Variants in BCAT1 observed in about 807,000 individuals in gnomAD.
BCAT1 encodes branched chain amino acid transaminase 1.
Under a neutral mutation model 52.4 loss-of-function variants are expected in BCAT1, and 48 were observed. The ratio of observed to expected loss-of-function variants is 0.92; its 90% CI spans 0.73 to 1.16. The LOEUF (loss-of-function observed/expected upper bound fraction) is 1.16, where lower values mean the gene tolerates loss of function less well. Ranked by LOEUF, BCAT1 falls within the 50% of genes most tolerant of loss-of-function variation. The pLI, the probability that BCAT1 is intolerant of heterozygous loss-of-function variation, is 0.00. For synonymous variants in BCAT1, 167 were observed against 161.3 expected, an observed-to-expected ratio of 1.04 and a Z score of -0.27; for missense variants, 451 against 457.1, an observed-to-expected ratio of 0.99 and a Z score of 0.12.
In BCAT1 at chr12:24,901,868, G is replaced by T; in HGVS notation, c.24C>A (p.Cys8Ter). Residue 8 changes from cysteine (C) to a stop codon, truncating the protein, a stop_gained, in exon 2 of 11, where the codon TGC (cysteine) becomes TGA (stop). Coordinates refer to ENST00000261192, the MANE Select transcript of BCAT1 (RefSeq NM_005504.7). LOFTEE classifies it high-confidence loss of function. MKDCSNGCSAECTGEGGS... is the reference protein window; with the variant it reads MKDCSNG The stretch of plus-strand genomic sequence containing the variant: ...CTCCTTCTCCGGTACACTCTGCGGA[G>T]CATCCGTTACTGCAATCCTTAAAGA... 2 of 1,613,968 alleles carry T rather than the reference G, an allele frequency of 1.2e-6. No homozygotes were observed. Among genetic ancestry groups the T allele is most frequent in the Non-Finnish European group, 1.7e-6 (2 of 1,179,888 alleles).
rs368742874 is a variant in BCAT1, at chr12:24,849,923, G to T, written c.537C>A (p.Thr179=). The change falls in exon 6 of 11, where the codon ACC becomes ACA. Residue 179 remains threonine (T), a synonymous_variant. Coordinates refer to ENST00000261192, the MANE Select transcript of BCAT1 (RefSeq NM_005504.7). ...TEPSLGVKKP[T]KALLFVLLSP... ...TCAAGAGTACAAAGAGCAGGGCTTT[G>T]GTAGGCTTCTTGACTCCAAGAGAAG... is the stretch of plus-strand genomic sequence containing the variant. The T allele has an allele frequency of 9.6e-5, 154 of 1,611,364 alleles. No individual in the cohort carries two copies. In the African/African-American group the frequency reaches 1.9e-3, roughly 20 times the overall value.
chr12:24,822,229 T>A (rs1940169160), intron 10 of BCAT1, among the ~76,000 whole-genome samples: 2 of 152,200 alleles, frequency 1.3e-5, no homozygotes, highest in African/African-American at 4.8e-5. Flanking sequence ...TAGGAGGTAT[T>A]TATAGAGCAA....
chr12:24,917,236 T>A (rs539224878), intron 1 of BCAT1, among the ~76,000 whole-genome samples: 2 of 137,688 alleles, frequency 1.5e-5, no homozygotes, highest in African/African-American at 5.5e-5. Flanking sequence ...TGGAGTGCAG[T>A]GGCGCGATCT....
intron 5 of BCAT1, among the ~76,000 whole-genome samples, chr12:24,867,642 A>G (rs1942064266): frequency 6.6e-6 from 1 of 152,228 alleles, no homozygotes; most frequent in South Asian, 2.1e-4. Flanking sequence ...CTATTAAACA[A>G]AAGCAAGTCA....
intron 10 of BCAT1, among the ~76,000 whole-genome samples, chr12:24,822,356 G>A (rs1006738424): frequency 3.1e-4 from 47 of 152,154 alleles, no homozygotes; most frequent in African/African-American, 1.1e-3. Context: ...GTGGTTATGA[G>A]GGAATTTTTC....
intron 2 of BCAT1, among the ~76,000 whole-genome samples, chr12:24,899,281 A>G (rs1408946203): frequency 1.3e-5 from 2 of 152,342 alleles, no homozygotes; most frequent in Non-Finnish European, 2.9e-5. Context: ...CCAAAAGGCC[A>G]TATGAAATGT....
In BCAT1 at chr12:24,821,475, A is replaced by G. The variant is rs149868026; in HGVS notation, c.1120-3426T>C. Among the ~76,000 whole-genome samples the G allele has an allele frequency of 2.8e-4, 43 of 152,348 alleles. 1 individual carries two copies. The highest frequency in any genetic ancestry group is 1.0e-3 in the African/African-American group (42 of 41,596). On this transcript the variant is annotated intron_variant, in intron 10 of 10. Transcript: ENST00000261192. ...TTTTATGTGATTATTTGTTGACAGC[A>G]GTGTCAACATGTATCTCATTTTGAA... is the stretch of plus-strand genomic sequence containing the variant.
Position 24,834,134 on chromosome 12 carries a change from T to C in BCAT1, c.904-1271A>G. The stretch of plus-strand genomic sequence containing the variant: ...AGCCACTGTGCACGGCTTACCTATA[T>C]CTTTTATGGAATAAAGAACAGACTG... On this transcript the variant is annotated intron_variant, in intron 8 of 10. Coordinates refer to ENST00000261192, the MANE Select transcript of BCAT1 (RefSeq NM_005504.7). The C allele has an allele frequency of 8.2e-6, 8 of 980,086 alleles. 1 individual carries two copies. Among genetic ancestry groups the C allele is most frequent in the Non-Finnish European group, 6.1e-6 (5 of 825,036 alleles). 60.7% of individuals were successfully genotyped at this position (980,086 alleles called of 1,614,324 possible).
chr12:24,904,215 T>C (rs1943187071), intron 1 of BCAT1: 1 of 152,442 alleles, frequency 6.6e-6, no homozygotes, highest in Non-Finnish European at 1.5e-5. Context: ...TTGTCCTTGT[T>C]GTTTTGAGAC....
chr12:24,887,083 ATATATATATAT>A (rs1942699163), intron 3 of BCAT1, among the ~76,000 whole-genome samples: 5 of 95,178 alleles, frequency 5.3e-5, no homozygotes, highest in South Asian at 3.3e-4. Context: ...AAAAAAAAAT[ATATATATATAT>A]ATATATATAT....
chr12:24,822,363 T>C (rs1002190728), intron 10 of BCAT1, among the ~76,000 whole-genome samples: 1 of 152,198 alleles, frequency 6.6e-6, no homozygotes, highest in Non-Finnish European at 1.5e-5. Flanking sequence ...TGAGGGAATT[T>C]TTCCCCTGAG....
intron 10 of BCAT1, among the ~76,000 whole-genome samples, chr12:24,820,932 A>G (rs1372835793): frequency 6.6e-6 from 1 of 152,174 alleles, no homozygotes; most frequent in African/African-American, 2.4e-5. Context: ...GCTGCCTACC[A>G]GGTAGCAATC....
chr12:24,887,094 T>A (rs1313757261), intron 3 of BCAT1, among the ~76,000 whole-genome samples: 1,064 of 86,184 alleles, frequency 0.012, 22 homozygotes, highest in Non-Finnish European at 0.017. Flanking sequence ...TATATATATA[T>A]ATATATATAT....
intron 5 of BCAT1, among the ~76,000 whole-genome samples, chr12:24,865,221 C>A (rs966448277): frequency 6.6e-6 from 1 of 152,192 alleles, no homozygotes; most frequent in African/African-American, 2.4e-5. Flanking sequence ...ATAGTACCTA[C>A]ATGCATGACT....
At position 24,833,822 on chromosome 12, in the gene BCAT1, CT is replaced by C. The variant is rs745348842; in HGVS notation, c.904-960del. 945 of 137,720 alleles carry C rather than the reference CT, an allele frequency of 6.9e-3. 8 individuals carry two copies. The highest frequency in any genetic ancestry group is 0.032 in the Admixed American group (432 of 13,644). 8.5% of individuals were successfully genotyped at this position (137,720 alleles called of 1,614,324 possible). A position where few individuals can be genotyped will look rare whatever the true frequency, so the allele number is the denominator to read the frequency against. ...GTACTCTTTCTACGTTTGTCTCTTT[CT>C]TTTTTTTTTTTTTTTAAGACAGGGT... On this transcript the variant is annotated intron_variant, in intron 8 of 10. Coordinates refer to ENST00000261192, the MANE Select transcript of BCAT1 (RefSeq NM_005504.7).
In BCAT1 at chr12:24,842,600, C is replaced by T. The variant is rs1697299871; in HGVS notation, c.675-376G>A. Among the ~76,000 whole-genome samples the T allele has an allele frequency of 2.0e-5, 3 of 152,120 alleles. No individual in the cohort carries two copies. In the South Asian group the frequency reaches 6.2e-4, roughly 32 times the overall value. ...TCTCACACCAATACTATGAGATAGA[C>T]ACTATCATTATTTCCATTGTTCAGA... On this transcript the variant is annotated intron_variant, in intron 6 of 10. Transcript: ENST00000261192.
intron 6 of BCAT1, among the ~76,000 whole-genome samples, chr12:24,843,218 A>G (rs142066851): frequency 7.7e-6 from 1 of 129,254 alleles, no homozygotes; most frequent in African/African-American, 2.9e-5. Flanking sequence ...ATTACATTAC[A>G]TTAATGTAAT....
intron 3 of BCAT1, among the ~76,000 whole-genome samples, chr12:24,892,027 T>A (rs1048262979): frequency 6.6e-6 from 1 of 151,844 alleles, no homozygotes; most frequent in Non-Finnish European, 1.5e-5. Flanking sequence ...AAAGTGCTGG[T>A]ATTACAGGCG....
chr12:24,891,715 C>T lies in BCAT1; in HGVS notation c.279+2560G>A, dbSNP rs575545023. Among the ~76,000 whole-genome samples the T allele has an allele frequency of 3.4e-4, 51 of 151,502 alleles. No homozygotes were observed. The South Asian group carries it at 0.01, about 31-fold the overall frequency. Reference sequence around the variant, plus strand: ...AAATTGGCAAAACCAATCAAAGTAGCATTCCAACTCATCTAAATAGATGGC... The same window carrying T: ...AAATTGGCAAAACCAATCAAAGTAGTATTCCAACTCATCTAAATAGATGGC... On this transcript the variant is annotated intron_variant, in intron 3 of 10. Transcript: ENST00000261192.
Sources: gnomAD v4.1 joint callset for allele counts (sites outside exome capture counted in the v4.1 genomes callset) on GRCh38, gnomAD v4.1.1 for gene constraint, MANE v1.5 for transcripts, NCBI Gene and HGNC (gene_info 2026-07-23, HGNC 2026-07-21) for gene names.